Variants in ALX4 observed in about 807,000 individuals in gnomAD.
The protein encoded by ALX4 is homeobox protein aristaless-like 4.
In ALX4, 22 loss-of-function variants were observed where a neutral mutation model predicts 40.6. That is an observed-to-expected ratio of 0.54 (90% CI 0.39 to 0.77). The LOEUF (loss-of-function observed/expected upper bound fraction) is 0.77, where lower values mean the gene tolerates loss of function less well. ALX4 is among the 30% of genes least tolerant of loss of function. ALX4 has a pLI of 0.00. For synonymous variants in ALX4, 266 were observed against 240.5 expected (o/e 1.11, Z -0.98); for missense variants, 556 against 564.8 (o/e 0.98, Z 0.16).
chr11:44,266,828 A>G (rs987881498), intron 3 of ALX4, among the ~76,000 whole-genome samples: 5 of 152,142 alleles, frequency 3.3e-5, no homozygotes, highest in Admixed American at 6.5e-5. Context: ...TGGCTGACAG[A>G]CACCTAGGGA....
Position 44,291,366 on chromosome 11 carries a change from C to T in ALX4, c.467-15708G>A, listed in dbSNP as rs143421428. 3.0e-3 allele frequency among the ~76,000 whole-genome samples: 463 copies of T among 152,072 alleles called. 3 individuals are homozygous for T. Among genetic ancestry groups the T allele is most frequent in the African/African-American group, 0.011 (439 of 41,486 alleles). ...GTTGTCACTGTCTGGCACCCAAGTA[C>T]GTGCTGAATTGAGCTAATCTTAAAC... is the stretch of plus-strand genomic sequence containing the variant. On this transcript the variant is annotated intron_variant, in intron 1 of 3. Transcript: ENST00000652299.
intron 1 of ALX4, among the ~76,000 whole-genome samples, chr11:44,288,280 G>A (rs571351502): frequency 1.3e-5 from 2 of 152,292 alleles, no homozygotes; most frequent in South Asian, 2.1e-4. Flanking sequence ...GAGACACAGA[G>A]AGAGACCCAG....
chr11:44,301,653 G>T (rs111813792), intron 1 of ALX4, among the ~76,000 whole-genome samples: 1 of 152,184 alleles, frequency 6.6e-6, no homozygotes, highest in Admixed American at 6.5e-5. Flanking sequence ...TGCAGGAGTC[G>T]CATCCAACAA....
chr11:44,275,298 A>G, intron 2 of ALX4, 50 bp downstream of exon 2: 1 of 1,592,976 alleles, frequency 6.3e-7, no homozygotes, highest in Non-Finnish European at 8.6e-7. Context: ...CCAAGAGCCC[A>G]GGGACAGGCT....
chr11:44,295,110 C>A (rs537450920), intron 1 of ALX4, among the ~76,000 whole-genome samples: 1 of 152,292 alleles, frequency 6.6e-6, no homozygotes. Flanking sequence ...CTCGGCCTCC[C>A]AAAGTGCTGG....
intron 1 of ALX4, among the ~76,000 whole-genome samples, chr11:44,301,562 T>C (rs1475062982): frequency 6.6e-6 from 1 of 152,126 alleles, no homozygotes; most frequent in Non-Finnish European, 1.5e-5. Context: ...GGGGTCTGCT[T>C]TACTTCTAAG....
chr11:44,292,972 G>A (rs1956378848), intron 1 of ALX4, among the ~76,000 whole-genome samples: 1 of 151,934 alleles, frequency 6.6e-6, no homozygotes, highest in African/African-American at 2.4e-5. Flanking sequence ...GGTGGCACAA[G>A]CCTGTAGTCC....
At chr11:44,295,507 G>A (rs1466606854) in intron 1 of ALX4, among the ~76,000 whole-genome samples, 1 of 152,250 alleles carries the variant, frequency 6.6e-6, no homozygotes, top group African/African-American at 2.4e-5. Context: ...AAGGGGAGCC[G>A]GGGACAGCTA....
chr11:44,273,118 T>C (rs955958054), intron 2 of ALX4, among the ~76,000 whole-genome samples: 4 of 151,274 alleles, frequency 2.6e-5, no homozygotes, highest in Non-Finnish European at 4.4e-5. Flanking sequence ...CTGCTGAGGA[T>C]TGCAGGGTTG....
At chr11:44,287,666 T>C (rs546613194) in intron 1 of ALX4, among the ~76,000 whole-genome samples, 3 of 151,664 alleles carry the variant, frequency 2.0e-5, no homozygotes, top group South Asian at 2.1e-4. Flanking sequence ...TTGAATCTCA[T>C]GCCTGGAGCA....
chr11:44,282,009 G>C (rs774550565), intron 1 of ALX4, among the ~76,000 whole-genome samples: 7 of 152,168 alleles, frequency 4.6e-5, no homozygotes, highest in African/African-American at 9.7e-5. Flanking sequence ...AAATGCTCTC[G>C]AAATAAGGAA....
At chr11:44,289,523 G>A (rs144575055) in intron 1 of ALX4, among the ~76,000 whole-genome samples, 2 of 152,308 alleles carry the variant, frequency 1.3e-5, no homozygotes, top group African/African-American at 4.8e-5. Flanking sequence ...GCTAGGAGGG[G>A]CAGACTGGAT....
rs188045221 is a variant in ALX4, at chr11:44,304,999, A to G, written c.466+4598T>C. On this transcript the variant is annotated intron_variant, in intron 1 of 3. Transcript: ENST00000652299. ...CCCTGGCTGAAGTGTCACCCTATTC[A>G]AGAAACACTGCTGTCAGGAACAAAA... 2.0e-3 allele frequency among the ~76,000 whole-genome samples: 308 copies of G among 152,328 alleles called. 2 individuals carry two copies. The highest frequency in any genetic ancestry group is 3.4e-3 in the Non-Finnish European group (230 of 68,022).
intron 1 of ALX4, among the ~76,000 whole-genome samples, chr11:44,298,023 T>C (rs1956413432): frequency 6.6e-6 from 1 of 152,232 alleles, no homozygotes; most frequent in Non-Finnish European, 1.5e-5. Flanking sequence ...AACCAGGCTA[T>C]GGGCTCTCTG....
rs1341822680 is a variant in ALX4, at chr11:44,261,579, T to C, written c.*3275A>G. 3 of 152,238 alleles carry C rather than the reference T, an allele frequency of 2.0e-5. No individual in the cohort carries two copies. The highest frequency in any genetic ancestry group is 4.4e-5 in the Non-Finnish European group (3 of 68,048). 9.4% of individuals were successfully genotyped at this position (152,238 alleles called of 1,614,324 possible). A position where few individuals can be genotyped will look rare whatever the true frequency, so the allele number is the denominator to read the frequency against. ...AGCCTTGGAGACAAGCCTCTCTGTG[T>C]GCCCCCCAGAGCCCTCGCTCCCATG... On this transcript the variant is annotated 3_prime_UTR_variant, in exon 4 of 4. Transcript: ENST00000652299.
intron 1 of ALX4, among the ~76,000 whole-genome samples, chr11:44,306,062 G>T (rs909282801): frequency 1.3e-5 from 2 of 152,148 alleles, no homozygotes; most frequent in African/African-American, 4.8e-5. Context: ...TGGCCCAGGC[G>T]GCCCGCCCTG....
intron 1 of ALX4, among the ~76,000 whole-genome samples, chr11:44,291,951 T>G (rs1304761576): frequency 6.6e-6 from 1 of 152,182 alleles, no homozygotes; most frequent in Non-Finnish European, 1.5e-5. Flanking sequence ...CCCGAGTAGC[T>G]GGGATTACCA....
At position 44,264,979 on chromosome 11, in the gene ALX4, C is replaced by T; in HGVS notation, c.1111G>A (p.Ala371Thr). ...CCATTGAGGCCTGGGCTGAGGCTGGCTGCTCCAAACAGGCTGCCCATGTGC... is the reference window on the plus strand; with the variant it reads ...CCATTGAGGCCTGGGCTGAGGCTGGTTGCTCCAAACAGGCTGCCCATGTGC... ...QTHMGSLFGAASLSPGLNGYE... is the reference protein window; with the variant it reads ...QTHMGSLFGATSLSPGLNGYE... Residue 371 changes from alanine (A) to threonine (T), a missense_variant, in exon 4 of 4, where the codon GCC becomes ACC. Transcript: ENST00000652299. The T allele has an allele frequency of 6.2e-7, 1 of 1,613,176 alleles. No individual in the cohort carries two copies. The highest frequency in any genetic ancestry group is 8.5e-7 in the Non-Finnish European group (1 of 1,179,944).
intron 1 of ALX4, among the ~76,000 whole-genome samples, chr11:44,285,505 G>C (rs1023548374): frequency 6.6e-6 from 1 of 152,138 alleles, no homozygotes; most frequent in African/African-American, 2.4e-5. Context: ...CTAGAAATAT[G>C]AAGTTCAATT....
Sources: gnomAD v4.1 joint callset for allele counts (sites outside exome capture counted in the v4.1 genomes callset) on GRCh38, gnomAD v4.1.1 for gene constraint, MANE v1.5 for transcripts, NCBI Gene and HGNC (gene_info 2026-07-23, HGNC 2026-07-21) for gene names.